Variants in GPR107 observed in about 807,000 individuals in gnomAD.
The protein encoded by GPR107 is G protein-coupled receptor 107, also known as protein GPR107.
In GPR107, 31 loss-of-function variants were observed where a neutral mutation model predicts 75.5. The ratio of observed to expected loss-of-function variants is 0.41; its 90% CI spans 0.31 to 0.55. The LOEUF (loss-of-function observed/expected upper bound fraction) is 0.55, where lower values mean the gene tolerates loss of function less well. Among genes scored for constraint, GPR107 ranks in the 20% least tolerant of loss-of-function variants. The pLI is 0.26. For synonymous variants in GPR107, 267 were observed against 251.3 expected (o/e 1.06, Z -0.59); for missense variants, 572 against 665.7 (o/e 0.86, Z 1.55).
intron 14 of GPR107, chr9:130,120,841 G>C (rs1831529317): frequency 6.6e-6 from 1 of 151,876 alleles, no homozygotes; most frequent in African/African-American, 2.4e-5. Flanking sequence ...CCTCTCCGTT[G>C]ATTTTTCAGT....
chr9:130,115,990 C>G (rs949055276), intron 14 of GPR107, among the ~76,000 whole-genome samples: 1 of 152,168 alleles, frequency 6.6e-6, no homozygotes, highest in African/African-American at 2.4e-5. Context: ...TTTTCCTTAG[C>G]AGATTGCACT....
chr9:130,122,820 G>A (rs1250698741), intron 14 of GPR107, among the ~76,000 whole-genome samples: 2 of 152,160 alleles, frequency 1.3e-5, no homozygotes, highest in Non-Finnish European at 2.9e-5. Flanking sequence ...GAGCAACATA[G>A]TGAAACCACA....
intron 1 of GPR107, among the ~76,000 whole-genome samples, chr9:130,064,731 G>A (rs977339506): frequency 2.6e-5 from 4 of 152,232 alleles, no homozygotes; most frequent in Admixed American, 1.3e-4. Context: ...CGGTTAGGGT[G>A]GGCCCTATTT....
intron 9 of GPR107, 125 bp downstream of exon 9, chr9:130,092,506 C>T (rs951624343): frequency 1.2e-4 from 95 of 771,178 alleles, no homozygotes; most frequent in Admixed American, 3.7e-4. Flanking sequence ...GGCATCTTCC[C>T]GGAAACAGTA....
intron 1 of GPR107, among the ~76,000 whole-genome samples, chr9:130,069,538 C>T (rs999574455): frequency 3.9e-5 from 6 of 152,114 alleles, no homozygotes. Context: ...GATATCTATG[C>T]CTCTATGACT....
At position 130,139,314 on chromosome 9, in the gene GPR107, G is replaced by GT. The variant is rs1832036859; in HGVS notation, c.*4196dup. On this transcript the variant is annotated 3_prime_UTR_variant, in exon 18 of 18. Transcript: ENST00000347136. Reference sequence around the variant, plus strand: ...TCTTCACTCCAGTTTTCCCTAGGGTGTTTCTGGCAGGGCGTTTTTAAAAGG... The same window carrying GT: ...TCTTCACTCCAGTTTTCCCTAGGGTGTTTTCTGGCAGGGCGTTTTTAAAAGG... The GT allele has an allele frequency of 6.6e-6, 1 of 152,210 alleles. No homozygotes were observed. The highest frequency in any genetic ancestry group is 6.5e-5 in the Admixed American group (1 of 15,280). The allele number at this position is 152,210 out of a possible 1,614,324, so 9.4% of individuals were successfully genotyped here. A position where few individuals can be genotyped will look rare whatever the true frequency, so the allele number is the denominator to read the frequency against.
chr9:130,082,122 C>G (rs1294992050), intron 5 of GPR107, among the ~76,000 whole-genome samples: 1 of 152,156 alleles, frequency 6.6e-6, no homozygotes, highest in Admixed American at 6.6e-5. Flanking sequence ...AGAACTCACT[C>G]CTTACCACAA....
At chr9:130,060,411 T>G (rs1256544490) in intron 1 of GPR107, among the ~76,000 whole-genome samples, 33 of 139,752 alleles carry the variant, frequency 2.4e-4, no homozygotes, top group African/African-American at 8.2e-4. Flanking sequence ...AGTTTTTTTT[T>G]TTTTTTTTTT....
chr9:130,121,194 A>G (rs910745380), intron 14 of GPR107, among the ~76,000 whole-genome samples: 5 of 151,164 alleles, frequency 3.3e-5, no homozygotes, highest in African/African-American at 1.2e-4. Flanking sequence ...AAACAAAACA[A>G]AACAAAACAA....
intron 14 of GPR107, among the ~76,000 whole-genome samples, chr9:130,110,627 G>T (rs1206439234): frequency 6.6e-6 from 1 of 152,242 alleles, no homozygotes; most frequent in Non-Finnish European, 1.5e-5. Flanking sequence ...CCTGAAAAGT[G>T]GTTATGCTTG....
Position 130,124,979 on chromosome 9 carries a change from A to T in GPR107, c.1356+15A>T. On this transcript the variant is annotated intron_variant, in intron 15 of 17. Transcript: ENST00000347136. ...ATTACGTCTTGGTAAGTAAAAAAAAAAAAAATCCTCAATCTATAAATAAAA... is the reference window on the plus strand; with the variant it reads ...ATTACGTCTTGGTAAGTAAAAAAAATAAAAATCCTCAATCTATAAATAAAA... 1 of 1,297,762 alleles carries T rather than the reference A, an allele frequency of 7.7e-7. No homozygotes were observed. Among genetic ancestry groups the T allele is most frequent in the East Asian group, 2.4e-5 (1 of 42,290 alleles). 80.4% of individuals were successfully genotyped at this position (1,297,762 alleles called of 1,614,324 possible). A position where few individuals can be genotyped will look rare whatever the true frequency, so the allele number is the denominator to read the frequency against.
At chr9:130,090,494 C>CCATT (rs68130888) in intron 7 of GPR107, among the ~76,000 whole-genome samples, 1 of 158 alleles carries the variant, frequency 6.3e-3, no homozygotes, top group Non-Finnish European at 0.013. Flanking sequence ...TTCCACAAAG[C>CCATT]CATCACAAAT....
intron 1 of GPR107, 62 bp downstream of exon 1, chr9:130,054,135 C>A: frequency 3.4e-6 from 5 of 1,449,776 alleles, no homozygotes; most frequent in South Asian, 2.7e-5. Context: ...GGTTTTAGGG[C>A]AACTTTGGCC....
At chr9:130,088,981 G>A (rs771340854) in intron 7 of GPR107, among the ~76,000 whole-genome samples, 2 of 151,820 alleles carry the variant, frequency 1.3e-5, no homozygotes, top group African/African-American at 2.4e-5. Flanking sequence ...GTGAAACCCC[G>A]TCTCTACTAA....
intron 1 of GPR107, among the ~76,000 whole-genome samples, chr9:130,055,672 CG>C (rs1829764941): frequency 6.6e-6 from 1 of 152,072 alleles, no homozygotes; most frequent in Non-Finnish European, 1.5e-5. Flanking sequence ...TGACTGGGCA[CG>C]GTGGCTCACA....
In GPR107 at chr9:130,127,580, A is replaced by G; in HGVS notation, c.1440+14A>G. On this transcript the variant is annotated intron_variant, in intron 16 of 17. Transcript: ENST00000347136. The stretch of plus-strand genomic sequence containing the variant: ...TGGCTCTACCAGGTACGCTGCTCAC[A>G]GGGCAGAATGCCAGAGAATTTATGC... 7.0e-7 allele frequency: 1 copy of G among 1,424,482 alleles called. No homozygotes were observed. The highest frequency in any genetic ancestry group is 1.4e-5 in the African/African-American group (1 of 71,326). 88.2% of individuals were successfully genotyped at this position (1,424,482 alleles called of 1,614,324 possible).
rs1240128269 is a variant in GPR107, at chr9:130,103,737, A to G, written c.1132-683A>G. ...CTAAATAGGGTGTTAAGTGCCACCT[A>G]TCCAGCAGTCCAGCACCTGAGTGAC... On this transcript the variant is annotated intron_variant, in intron 12 of 17. Transcript: ENST00000347136. This position sits in a 1 kb window ranked among gnomAD's most constrained non-coding sequence, Gnocchi z 4.3. Among the ~76,000 whole-genome samples, 1 of 152,196 alleles carries G rather than the reference A, an allele frequency of 6.6e-6. No individual in the cohort carries two copies. Among genetic ancestry groups the G allele is most frequent in the Non-Finnish European group, 1.5e-5 (1 of 68,040 alleles).
Position 130,091,172 on chromosome 9 carries a change from C to T in GPR107, c.729+189C>T, listed in dbSNP as rs561421629. On this transcript the variant is annotated intron_variant, in intron 8 of 17. Coordinates refer to ENST00000347136, the MANE Select transcript of GPR107 (RefSeq NM_020960.5). The stretch of plus-strand genomic sequence containing the variant: ...TACAAAGCAATTTAGGATGTGTCTG[C>T]ACTTTAACCTGTGCGTTAAGAATGT... Among the ~76,000 whole-genome samples, 37 of 152,280 alleles carry T rather than the reference C, an allele frequency of 2.4e-4. 1 individual carries two copies. The highest frequency in any genetic ancestry group is 8.7e-4 in the African/African-American group (36 of 41,558).
chr9:130,069,984 C>CTTTTTTTTTTTTTTTTTTTT (rs1045979986), intron 1 of GPR107, among the ~76,000 whole-genome samples: 13 of 45,424 alleles, frequency 2.9e-4, no homozygotes, highest in Non-Finnish European at 3.3e-4. Flanking sequence ...TGCCTGGCCT[C>CTTTTTTTTTTTTTTTTTTTT]TTTTTTTTTT....
Sources: gnomAD v4.1 joint callset for allele counts (sites outside exome capture counted in the v4.1 genomes callset) on GRCh38, gnomAD v4.1.1 for gene constraint, Gnocchi (gnomAD v3.1) non-coding constraint, MANE v1.5 for transcripts, NCBI Gene and HGNC (gene_info 2026-07-23, HGNC 2026-07-21) for gene names.